Variants in CNTN4 observed in about 807,000 individuals in gnomAD.
The protein encoded by CNTN4 is contactin 4, also known as contactin-4.
CNTN4 carries 77 observed loss-of-function variants against 122.5 expected under a neutral mutation model. The ratio of observed to expected loss-of-function variants is 0.63; its 90% confidence interval spans 0.52 to 0.76. CNTN4 has a LOEUF of 0.76. Ranked by LOEUF, CNTN4 falls within the 30% of genes least tolerant of loss-of-function variation. The pLI is 0.00. For synonymous variants in CNTN4, 512 were observed against 447.0 expected, an observed-to-expected ratio of 1.15 and a Z score of -1.83; for missense variants, 1,256 against 1,259.1, an observed-to-expected ratio of 1.00 and a Z score of 0.04.
intron 4 of CNTN4, among the ~76,000 whole-genome samples, chr3:2,600,340 T>C (rs958045849): frequency 3.9e-5 from 6 of 152,092 alleles, no homozygotes; most frequent in Non-Finnish European, 8.8e-5. Flanking sequence ...CTCCTAATAC[T>C]GTTCCTTCCC....
chr3:2,827,571 T>A (rs2093012703), intron 7 of CNTN4, among the ~76,000 whole-genome samples: 2 of 152,216 alleles, frequency 1.3e-5, no homozygotes, highest in African/African-American at 2.4e-5. Context: ...CCCAAGAGAT[T>A]TATATGGAAT....
At chr3:3,045,519 G>A (rs762905131) in intron 23 of CNTN4, among the ~76,000 whole-genome samples, 20 of 152,174 alleles carry the variant, frequency 1.3e-4, no homozygotes, top group Non-Finnish European at 2.8e-4. Flanking sequence ...AGGCAAACAG[G>A]GTCTGGAGTG....
chr3:2,299,522 A>G lies in CNTN4; in HGVS notation c.-144-39656A>G, dbSNP rs560315346. ...CATTATATCACACTGTCTGCCTCTC[A>G]AGCTCATATTATTGAAGACTTTTCC... On this transcript the variant is annotated intron_variant, in intron 2 of 24. Transcript: ENST00000418658. Among the ~76,000 whole-genome samples, 182 of 152,158 alleles carry G rather than the reference A, an allele frequency of 1.2e-3. 3 individuals carry two copies. Among genetic ancestry groups the G allele is most frequent in the Non-Finnish European group, 2.2e-3 (149 of 67,972 alleles).
intron 2 of CNTN4, among the ~76,000 whole-genome samples, chr3:2,306,421 CTTG>C: frequency 6.6e-6 from 1 of 152,236 alleles, no homozygotes; most frequent in Middle Eastern, 3.4e-3. Flanking sequence ...CTTTCATGTA[CTTG>C]TTGGACAGTT....
At chr3:2,368,467 C>A (rs916543102) in intron 3 of CNTN4, among the ~76,000 whole-genome samples, 1 of 152,116 alleles carries the variant, frequency 6.6e-6, no homozygotes, top group African/African-American at 2.4e-5. Context: ...CTTGAACCTG[C>A]CTTTCTTTAC....
At chr3:2,740,401 T>C (rs1308542416) in intron 5 of CNTN4, among the ~76,000 whole-genome samples, 1 of 152,124 alleles carries the variant, frequency 6.6e-6, no homozygotes, top group African/African-American at 2.4e-5. Context: ...CAGAGCAGCA[T>C]ATTTTTGGGT....
intron 2 of CNTN4, among the ~76,000 whole-genome samples, chr3:2,198,192 T>C (rs1329155376): frequency 1.3e-5 from 2 of 152,224 alleles, no homozygotes; most frequent in African/African-American, 4.8e-5. Context: ...TGTAGTTGTC[T>C]TCTTGCTAAT....
chr3:2,761,468 G>A (rs2149692511), intron 6 of CNTN4, among the ~76,000 whole-genome samples: 1 of 151,806 alleles, frequency 6.6e-6, no homozygotes, highest in South Asian at 2.1e-4. Flanking sequence ...GTGTGTGTGT[G>A]TGTGTATTTG....
chr3:2,844,038 T>G (rs1200879516), intron 7 of CNTN4, among the ~76,000 whole-genome samples: 1 of 152,224 alleles, frequency 6.6e-6, no homozygotes, highest in Non-Finnish European at 1.5e-5. Flanking sequence ...CCCATCCTTC[T>G]GTTCCATATA....
chr3:2,474,104 ATCT>A (rs1219561908), intron 3 of CNTN4, among the ~76,000 whole-genome samples: 1 of 151,476 alleles, frequency 6.6e-6, no homozygotes, highest in African/African-American at 2.4e-5. Flanking sequence ...CCGGGGTGTC[ATCT>A]CCTTTTTCTT....
At chr3:2,610,228 T>C (rs963884313) in intron 4 of CNTN4, among the ~76,000 whole-genome samples, 8 of 152,214 alleles carry the variant, frequency 5.3e-5, no homozygotes, top group Non-Finnish European at 1.2e-4. Flanking sequence ...TTTGCTCACT[T>C]CCATTCTTGA....
intron 5 of CNTN4, among the ~76,000 whole-genome samples, chr3:2,736,737 A>C (rs2320959): frequency 0.17 from 26,337 of 151,874 alleles, 2,574 homozygotes; most frequent in East Asian, 0.3. Flanking sequence ...TGCTGGGATT[A>C]CAGGCGTGAG....
chr3:2,582,922 T>G (rs1031181363), intron 4 of CNTN4, among the ~76,000 whole-genome samples: 1 of 148,752 alleles, frequency 6.7e-6, no homozygotes. Context: ...AAAAAAGCAG[T>G]TTAATGGAGA....
chr3:2,318,219 A>G (rs968540033), intron 2 of CNTN4, among the ~76,000 whole-genome samples: 1 of 87,748 alleles, frequency 1.1e-5, no homozygotes, highest in Admixed American at 1.1e-4. Context: ...ACTTGTCCCT[A>G]AAAAAAAAAA....
intron 3 of CNTN4, among the ~76,000 whole-genome samples, chr3:2,538,820 A>T (rs2077915981): frequency 6.6e-6 from 1 of 151,782 alleles, no homozygotes; most frequent in Non-Finnish European, 1.5e-5. Flanking sequence ...CATGTATTTT[A>T]TCTATTTCTA....
chr3:2,611,314 AAAG>A (rs2081480295), intron 4 of CNTN4, among the ~76,000 whole-genome samples: 3 of 145,178 alleles, frequency 2.1e-5, no homozygotes, highest in Admixed American at 1.4e-4. Flanking sequence ...AAAAAAAAAG[AAAG>A]AAAGAAAGAA....
intron 7 of CNTN4, among the ~76,000 whole-genome samples, chr3:2,847,432 C>G (rs1385546623): frequency 6.6e-6 from 1 of 152,194 alleles, no homozygotes; most frequent in African/African-American, 2.4e-5. Flanking sequence ...GTTCACCAAG[C>G]AATTTGTGAT....
At chr3:2,918,774 A>G (rs909216742) in intron 12 of CNTN4, among the ~76,000 whole-genome samples, 1 of 152,188 alleles carries the variant, frequency 6.6e-6, no homozygotes, top group Non-Finnish European at 1.5e-5. Flanking sequence ...AATTTGTTTC[A>G]TTAGACTGAG....
intron 14 of CNTN4, among the ~76,000 whole-genome samples, chr3:3,018,547 G>T (rs1160148034): frequency 6.6e-6 from 1 of 152,164 alleles, no homozygotes; most frequent in Admixed American, 6.6e-5. Context: ...CTGTGGGTGG[G>T]TATAGAGGTG....
Sources: gnomAD v4.1 joint callset for allele counts (sites outside exome capture counted in the v4.1 genomes callset) on GRCh38, gnomAD v4.1.1 for gene constraint, MANE v1.5 for transcripts, NCBI Gene and HGNC (gene_info 2026-07-23, HGNC 2026-07-21) for gene names.